NRIP1: variants seen among roughly 807,000 people sequenced by gnomAD.
The protein encoded by NRIP1 is nuclear receptor-interacting protein 1.
In NRIP1, 28 loss-of-function variants were observed where a neutral mutation model predicts 75.0. The ratio of observed to expected loss-of-function variants is 0.37; its 90% CI spans 0.28 to 0.51. The LOEUF is 0.51. Among genes scored for constraint, NRIP1 ranks in the 20% least tolerant of loss-of-function variants. The pLI is 0.92. For synonymous variants in NRIP1, 526 were observed against 487.6 expected, an observed-to-expected ratio of 1.08 and a Z score of -1.04; for missense variants, 1,435 against 1,343.7, an observed-to-expected ratio of 1.07 and a Z score of -1.06.
At chr21:14,992,391 A>T (rs1254536419) in intron 3 of NRIP1, 4 of 152,192 alleles carry the variant, frequency 2.6e-5, no homozygotes, top group African/African-American at 9.7e-5. Context: ...GATATCACTT[A>T]AACAATGTAA....
chr21:14,991,787 A>G (rs2087579379), intron 3 of NRIP1, among the ~76,000 whole-genome samples: 1 of 152,212 alleles, frequency 6.6e-6, no homozygotes, highest in African/African-American at 2.4e-5. Flanking sequence ...AAGCAAGGTC[A>G]CTGTTCCATT....
chr21:15,026,743 G>A (rs767634430), intron 2 of NRIP1, among the ~76,000 whole-genome samples: 2 of 152,102 alleles, frequency 1.3e-5, no homozygotes, highest in Non-Finnish European at 2.9e-5. Context: ...CAGAGGGGAA[G>A]AAATAAATAC....
chr21:15,020,546 TAAG>T (rs1283169061), intron 2 of NRIP1, among the ~76,000 whole-genome samples: 1 of 151,948 alleles, frequency 6.6e-6, no homozygotes, highest in Non-Finnish European at 1.5e-5. Context: ...ATTCCTTAAA[TAAG>T]AAAACAAAAG....
At position 14,965,488 on chromosome 21, in the gene NRIP1, A is replaced by C. The variant is rs571541083; in HGVS notation, c.2705T>G (p.Phe902Cys). 91 of 1,613,956 alleles carry C rather than the reference A, an allele frequency of 5.6e-5. No homozygotes were observed. The East Asian group carries it at 1.9e-3, about 34-fold the overall frequency. The change falls in exon 4 of 4, where the codon TTT (phenylalanine) becomes TGT (cysteine). Residue 902 changes from phenylalanine to cysteine, a missense_variant. Transcript: ENST00000318948. The stretch of plus-strand genomic sequence containing the variant: ...TTTAAATTCAAGATCATTTCTGCTA[A>C]ATTTCAGCTCTTCCTGGTTAAGCAA... ...GSLLNQEELK[F>C]SRNDLEFKYP...
chr21:15,000,376 T>C (rs2087823839), intron 3 of NRIP1, among the ~76,000 whole-genome samples: 1 of 152,128 alleles, frequency 6.6e-6, no homozygotes, highest in African/African-American at 2.4e-5. Context: ...GCAGTTATTA[T>C]ATGCCAGGTA....
chr21:15,041,666 A>T (rs1351039307), intron 2 of NRIP1, among the ~76,000 whole-genome samples: 1 of 152,132 alleles, frequency 6.6e-6, no homozygotes, highest in African/African-American at 2.4e-5. Flanking sequence ...ATTGAAACAT[A>T]CCTTTAATTT....
chr21:14,966,056 G>T lies in NRIP1; in HGVS notation c.2137C>A (p.Leu713Ile), dbSNP rs763505061. 5.0e-6 allele frequency: 8 copies of T among 1,612,838 alleles called. No individual in the cohort carries two copies. The highest frequency in any genetic ancestry group is 6.8e-6 in the Non-Finnish European group (8 of 1,179,930). Residue 713 changes from leucine (L) to isoleucine (I), a missense_variant, in exon 4 of 4, where the codon CTC (leucine) becomes ATC (isoleucine). Transcript: ENST00000318948. ...IENLLERRTV[L>I]QLLLGNPNKG... ...TTGGGGTTCCCCAGGAGCAACTGGA[G>T]GACAGTACGTCTTTCAAGCAGATTT...
intron 2 of NRIP1, among the ~76,000 whole-genome samples, chr21:15,039,950 T>A (rs1196436184): frequency 2.0e-5 from 3 of 152,132 alleles, no homozygotes; most frequent in African/African-American, 7.2e-5. Flanking sequence ...TGTTTGAAAC[T>A]TACTGAAAGA....
Position 14,967,785 on chromosome 21 carries a change from C to A in NRIP1, c.408G>T (p.Leu136Phe), listed in dbSNP as rs890664878. Residue 136 changes from leucine (L) to phenylalanine (F), a missense_variant, in exon 4 of 4, where the codon TTG becomes TTT. Leu to Phe is a conservative substitution (Grantham distance 22, BLOSUM62 0). Transcript: ENST00000318948. ...GKQDSTLLAS[L>F]LQSFSSRLQT... ...GCAGCCTAGAGCTGAATGACTGAAG[C>A]AAAGAGGCCAGTAATGTGCTATCCT... is the stretch of plus-strand genomic sequence containing the variant. 1 of 1,614,022 alleles carries A rather than the reference C, an allele frequency of 6.2e-7. No individual in the cohort carries two copies. Among genetic ancestry groups the A allele is most frequent in the Non-Finnish European group, 8.5e-7 (1 of 1,179,968 alleles).
At chr21:15,040,515 T>C (rs926255551) in intron 2 of NRIP1, among the ~76,000 whole-genome samples, 1 of 152,094 alleles carries the variant, frequency 6.6e-6, no homozygotes, top group African/African-American at 2.4e-5. Context: ...CAAGAAACGC[T>C]TGTCAGGAAT....
chr21:14,989,383 C>T (rs572751632), intron 3 of NRIP1, among the ~76,000 whole-genome samples: 2 of 152,322 alleles, frequency 1.3e-5, no homozygotes, highest in East Asian at 3.9e-4. Context: ...GGGGCCTGCA[C>T]TAACCAATAA....
At chr21:15,058,116 A>G (rs1181130250) in intron 1 of NRIP1, among the ~76,000 whole-genome samples, 3 of 152,196 alleles carry the variant, frequency 2.0e-5, no homozygotes, top group Non-Finnish European at 4.4e-5. Context: ...TAACCCCCTT[A>G]TTCAACAGAT....
At chr21:15,008,592 G>A (rs777857184) in intron 3 of NRIP1, among the ~76,000 whole-genome samples, 6 of 151,960 alleles carry the variant, frequency 3.9e-5, no homozygotes, top group Non-Finnish European at 7.4e-5. Flanking sequence ...TCTAGGTCTA[G>A]ACATTAATAG....
chr21:15,027,404 T>C (rs1319738847), intron 2 of NRIP1, among the ~76,000 whole-genome samples: 4 of 152,226 alleles, frequency 2.6e-5, no homozygotes, highest in Non-Finnish European at 1.5e-5. Flanking sequence ...TTGACAAGTA[T>C]CTTGTTTAGG....
intron 3 of NRIP1, among the ~76,000 whole-genome samples, chr21:14,985,038 G>T (rs1381399166): frequency 6.6e-6 from 1 of 152,168 alleles, no homozygotes; most frequent in Non-Finnish European, 1.5e-5. Flanking sequence ...TCATTTCACT[G>T]CAGTGTCTGG....
At chr21:15,003,691 C>T (rs920926065) in intron 3 of NRIP1, among the ~76,000 whole-genome samples, 1 of 152,212 alleles carries the variant, frequency 6.6e-6, no homozygotes, top group Admixed American at 6.5e-5. Flanking sequence ...AGGCTTGCTA[C>T]AAGGGGAGAA....
Position 15,049,696 on chromosome 21 carries a change from TTTAA to T in NRIP1, c.-537-6126_-537-6123del, listed in dbSNP as rs552100419. Among the ~76,000 whole-genome samples the T allele has an allele frequency of 1.5e-3, 233 of 152,218 alleles. 1 individual carries two copies. The highest frequency in any genetic ancestry group is 0.014 in the Middle Eastern group (4 of 288). On this transcript the variant is annotated intron_variant, in intron 1 of 3. Transcript: ENST00000318948. ...CATTAAATTAGGTAAATCTCTCACA[TTTAA>T]TTTACTATCCAAGCACTTTTACACT...
At position 14,990,680 on chromosome 21, in the gene NRIP1, G is replaced by T. The variant is rs141832083; in HGVS notation, c.-334-22154C>A. 2.0e-3 allele frequency among the ~76,000 whole-genome samples: 311 copies of T among 152,282 alleles called. 2 individuals carry two copies. The highest frequency in any genetic ancestry group is 2.1e-3 in the Non-Finnish European group (143 of 68,008). ...CAGACATGGAAAATGAATTCCTAAAGTGAAACTCTAATGCAAAGACTGGGT... is the reference window on the plus strand; with the variant it reads ...CAGACATGGAAAATGAATTCCTAAATTGAAACTCTAATGCAAAGACTGGGT... On this transcript the variant is annotated intron_variant, in intron 3 of 3. Coordinates refer to ENST00000318948, the MANE Select transcript of NRIP1 (RefSeq NM_003489.4).
chr21:14,987,184 T>C (rs778455889), intron 3 of NRIP1, among the ~76,000 whole-genome samples: 18 of 152,210 alleles, frequency 1.2e-4, no homozygotes, highest in Non-Finnish European at 2.4e-4. Context: ...CATAGGAAAG[T>C]TGGCTACTCT....
Sources: gnomAD v4.1 joint callset for allele counts (sites outside exome capture counted in the v4.1 genomes callset) on GRCh38, gnomAD v4.1.1 for gene constraint, MANE v1.5 for transcripts, NCBI Gene and HGNC (gene_info 2026-07-23, HGNC 2026-07-21) for gene names.